Variants in PCDHGA10 observed in about 807,000 individuals in gnomAD.
The protein encoded by PCDHGA10 is protocadherin gamma-A10.
A neutral mutation model predicts 59.5 loss-of-function variants in PCDHGA10; 42 were observed. That is an observed-to-expected ratio of 0.71 (90% CI 0.55 to 0.91). PCDHGA10 has a LOEUF of 0.91. Among genes scored for constraint, PCDHGA10 ranks in the 40% least tolerant of loss-of-function variants. PCDHGA10 has a pLI of 0.00. For missense variants in PCDHGA10, 1,111 were observed against 1,198.2 expected, an observed-to-expected ratio of 0.93 and a Z score of 1.07; for synonymous variants, 511 against 517.2, an observed-to-expected ratio of 0.99 and a Z score of 0.16.
intron 1 of PCDHGA10, chr5:141,478,781 A>G: frequency 6.7e-7 from 1 of 1,485,388 alleles, no homozygotes; most frequent in Non-Finnish European, 9.0e-7. Flanking sequence ...TGTGGACCTA[A>G]TTCACATCCT....
chr5:141,413,806 A>C lies in PCDHGA10; in HGVS notation c.631A>C (p.Ile211Leu). ...CTCCCTAGATCGCGAGGAAGAGGCC[A>C]TTCACCACCTGGTCCTCACCGCCTC... ...EHSLDREEEA[I>L]HHLVLTASDG... The change falls in exon 1 of 4, where the codon ATT (isoleucine) becomes CTT (leucine). Residue 211 changes from isoleucine (I) to leucine (L), a missense_variant. Coordinates refer to ENST00000398610, the MANE Select transcript of PCDHGA10 (RefSeq NM_018913.3). 1 of 1,613,168 alleles carries C rather than the reference A, an allele frequency of 6.2e-7. No individual in the cohort carries two copies.
intron 1 of PCDHGA10, among the ~76,000 whole-genome samples, chr5:141,451,108 G>A (rs1484218835): frequency 3.3e-5 from 5 of 151,860 alleles, no homozygotes; most frequent in South Asian, 2.1e-4. Flanking sequence ...GATTACAGGC[G>A]TGAGCCACCA....
chr5:141,463,590 A>G (rs975534405), intron 1 of PCDHGA10, among the ~76,000 whole-genome samples: 3 of 151,848 alleles, frequency 2.0e-5, no homozygotes, highest in African/African-American at 7.3e-5. Flanking sequence ...CTGGGACTAC[A>G]GGTGCCTGCC....
At chr5:141,505,574 C>T (rs1275802375) in intron 3 of PCDHGA10, 93 bp downstream of exon 3, 13 of 1,593,636 alleles carry the variant, frequency 8.2e-6, no homozygotes, top group Non-Finnish European at 1.1e-5. Context: ...GGATGTCAAA[C>T]CTGTGTAGTT....
At chr5:141,423,470 A>G in intron 1 of PCDHGA10, 1 of 1,614,002 alleles carries the variant, frequency 6.2e-7, no homozygotes, top group Non-Finnish European at 8.5e-7. Context: ...GACGGGGTAC[A>G]GGCTTTCCTG....
At chr5:141,475,934 G>T in intron 1 of PCDHGA10, 1 of 665,236 alleles carries the variant, frequency 1.5e-6, no homozygotes, top group Non-Finnish European at 2.5e-6. Context: ...TCGGGCCCCT[G>T]CCCGTCCCCT....
In PCDHGA10 at chr5:141,510,983, C is replaced by T; in HGVS notation, c.2621C>T (p.Ala874Val). The change falls in exon 4 of 4, where the codon GCC becomes GTC. Residue 874 changes from alanine to valine, a missense_variant. Transcript: ENST00000398610. The stretch of plus-strand genomic sequence containing the variant: ...GGGAGCTCCACCCTGGGAGGGGGTG[C>T]CGGCACCATGGGATTGAGCGCCCGC... ...ADGSSTLGGG[A>V]GTMGLSARYG... The T allele has an allele frequency of 6.2e-7, 1 of 1,614,162 alleles. No homozygotes were observed. The highest frequency in any genetic ancestry group is 8.5e-7 in the Non-Finnish European group (1 of 1,180,012).
intron 1 of PCDHGA10, among the ~76,000 whole-genome samples, chr5:141,452,114 A>C (rs1443131264): frequency 1.3e-5 from 2 of 152,098 alleles, no homozygotes; most frequent in Admixed American, 1.3e-4. Flanking sequence ...TTCTCTTCTT[A>C]TTTATTCATA....
chr5:141,487,802 C>G lies in PCDHGA10; in HGVS notation c.2437-7005C>G. On this transcript the variant is annotated intron_variant, in intron 1 of 3. Transcript: ENST00000398610. The surrounding 1 kb of genome is among the most constrained non-coding windows in gnomAD (Gnocchi z 5.0). ...TTTCGTGAATTAACCAGAGTTGTCACAGTTTAGCATTGGGGGCGGGTCATG... is the reference window on the plus strand; with the variant it reads ...TTTCGTGAATTAACCAGAGTTGTCAGAGTTTAGCATTGGGGGCGGGTCATG... 6.8e-7 allele frequency: 1 copy of G among 1,477,424 alleles called. No homozygotes were observed. The allele number at this position is 1,477,424 out of a possible 1,614,324, so 91.5% of individuals were successfully genotyped here.
Position 141,489,902 on chromosome 5 carries a change from C to A in PCDHGA10, c.2437-4905C>A. ...ACTGCTGTGGATGGGGGGACCCCAGCCCGCTCAGGGACCACCCTTATCTCT... is the reference window on the plus strand; with the variant it reads ...ACTGCTGTGGATGGGGGGACCCCAGACCGCTCAGGGACCACCCTTATCTCT... On this transcript the variant is annotated intron_variant, in intron 1 of 3. Transcript: ENST00000398610. The surrounding 1 kb of genome is among the most constrained non-coding windows in gnomAD (Gnocchi z 4.5). 1 of 1,614,218 alleles carries A rather than the reference C, an allele frequency of 6.2e-7. No individual in the cohort carries two copies. The highest frequency in any genetic ancestry group is 8.5e-7 in the Non-Finnish European group (1 of 1,180,032).
chr5:141,491,178 C>T lies in PCDHGA10; in HGVS notation c.2437-3629C>T, dbSNP rs774139827. 6.2e-7 allele frequency: 1 copy of T among 1,614,146 alleles called. No individual in the cohort carries two copies. The highest frequency in any genetic ancestry group is 8.5e-7 in the Non-Finnish European group (1 of 1,179,992). On this transcript the variant is annotated intron_variant, in intron 1 of 3. Coordinates refer to ENST00000398610, the MANE Select transcript of PCDHGA10 (RefSeq NM_018913.3). The surrounding 1 kb of genome is among the most constrained non-coding windows in gnomAD (Gnocchi z 6.9). ...ACTCTGACACCCAGCAGGTGGTGGT[C>T]CTGGTGAGGGACAATGGTGACCCTT...
intron 1 of PCDHGA10, among the ~76,000 whole-genome samples, chr5:141,459,559 A>AC (rs920626314): frequency 6.6e-6 from 1 of 152,198 alleles, no homozygotes; most frequent in Non-Finnish European, 1.5e-5. Flanking sequence ...TTGGATAAAT[A>AC]CCCCAAAACA....
chr5:141,489,610 C>G lies in PCDHGA10; in HGVS notation c.2437-5197C>G, dbSNP rs142775705. 3,083 of 1,614,088 alleles carry G rather than the reference C, an allele frequency of 1.9e-3. 6 individuals are homozygous for G. Among genetic ancestry groups the G allele is most frequent in the Non-Finnish European group, 2.4e-3 (2,793 of 1,179,988 alleles). ...GCTAATCCGTGTAGAGGTAGAGATC[C>G]TGGATCTCAATGACAACTCTCCTAG... On this transcript the variant is annotated intron_variant, in intron 1 of 3. Transcript: ENST00000398610. The surrounding 1 kb of genome is among the most constrained non-coding windows in gnomAD (Gnocchi z 4.5).
intron 1 of PCDHGA10, chr5:141,478,831 G>C: frequency 7.0e-7 from 1 of 1,435,672 alleles, no homozygotes; most frequent in Non-Finnish European, 9.1e-7. Flanking sequence ...ATCTTGCTAA[G>C]GGATGGTTAA....
chr5:141,413,684 C>T lies in PCDHGA10; in HGVS notation c.509C>T (p.Ser170Phe). 6.2e-7 allele frequency: 1 copy of T among 1,613,838 alleles called. No homozygotes were observed. Among genetic ancestry groups the T allele is most frequent in the Non-Finnish European group, 8.5e-7 (1 of 1,179,898 alleles). The change falls in exon 1 of 4, where the codon TCC becomes TTC. Residue 170 changes from serine (S) to phenylalanine (F), a missense_variant. By Grantham distance (155) the Ser-to-Phe change is radical (BLOSUM62 -2). Coordinates refer to ENST00000398610, the MANE Select transcript of PCDHGA10 (RefSeq NM_018913.3). ...ATTGATCCGGATGTGGGCGTGAACT[C>T]CCTGCAGAGCTATCAGCTCAGCCCC... Reference protein sequence around the residue: ...EAIDPDVGVNSLQSYQLSPNK... With the variant: ...EAIDPDVGVNFLQSYQLSPNK...
intron 3 of PCDHGA10, among the ~76,000 whole-genome samples, chr5:141,508,738 A>C (rs1596171196): frequency 7.1e-5 from 10 of 141,304 alleles, no homozygotes; most frequent in Admixed American, 1.4e-4. Context: ...TACACCCCCC[A>C]CCCCGCTCTT....
At chr5:141,460,985 A>G (rs553462661) in intron 1 of PCDHGA10, among the ~76,000 whole-genome samples, 245 of 91,804 alleles carry the variant, frequency 2.7e-3, no homozygotes, top group Middle Eastern at 5.0e-3. Context: ...GTGTGTGTGT[A>G]TATATATATA....
intron 3 of PCDHGA10, among the ~76,000 whole-genome samples, chr5:141,509,345 G>A (rs1203328830): frequency 6.6e-6 from 1 of 152,196 alleles, no homozygotes; most frequent in Non-Finnish European, 1.5e-5. Flanking sequence ...GGCCTGGGCT[G>A]GCCTGGGCAT....
intron 1 of PCDHGA10, among the ~76,000 whole-genome samples, chr5:141,454,796 ATTTTTTTTT>A (rs61612330): frequency 1.2e-4 from 9 of 77,408 alleles, no homozygotes; most frequent in Admixed American, 5.4e-4. Context: ...CATGGTTCTA[ATTTTTTTTT>A]TTTTTTTTTT....
Sources: gnomAD v4.1 joint callset for allele counts (sites outside exome capture counted in the v4.1 genomes callset) on GRCh38, gnomAD v4.1.1 for gene constraint, Gnocchi (gnomAD v3.1) non-coding constraint, MANE v1.5 for transcripts, NCBI Gene and HGNC (gene_info 2026-07-23, HGNC 2026-07-21) for gene names.